The following TASOR2 variants were observed in gnomAD, a reference collection of about 807,000 sequenced individuals.
The protein encoded by TASOR2 is transcription activation suppressor family member 2, also known as protein TASOR 2.
Under a neutral mutation model 199.5 loss-of-function variants are expected in TASOR2, and 84 were observed. The ratio of observed to expected loss-of-function variants is 0.42; its 90% CI spans 0.35 to 0.50. The LOEUF (loss-of-function observed/expected upper bound fraction) is 0.50, where lower values mean the gene tolerates loss of function less well. Ranked by LOEUF, TASOR2 falls within the 20% of genes least tolerant of loss-of-function variation. The probability of loss-of-function intolerance (pLI) is 0.02; values close to 1 mark genes in which losing one functional copy is unlikely to be tolerated. For missense variants in TASOR2, 2,796 were observed against 2,835.9 expected (o/e 0.99, Z 0.32); for synonymous variants, 1,103 against 1,046.6 (o/e 1.05, Z -1.04).
chr10:5,708,684 T>C (rs1218794714), intron 1 of TASOR2, among the ~76,000 whole-genome samples: 1 of 136,848 alleles, frequency 7.3e-6, no homozygotes, highest in African/African-American at 2.6e-5. Flanking sequence ...TTCCTTCCTT[T>C]CCTTCCTTTC....
intron 1 of TASOR2, among the ~76,000 whole-genome samples, chr10:5,696,511 C>G (rs893139829): frequency 6.6e-6 from 1 of 152,122 alleles, no homozygotes; most frequent in South Asian, 2.1e-4. Context: ...CGTATGCCCC[C>G]ACGTCCAGCT....
rs534875896 is a variant in TASOR2 at position 5,712,532 on chromosome 10, TAAATG to T, written c.-287-289_-287-285del. On this transcript the variant is annotated intron_variant, in intron 1 of 20. Coordinates refer to ENST00000328090, the Ensembl canonical transcript of TASOR2. Reference sequence around the variant, plus strand: ...ACTTTGGTGAAAAATGACATTTTCTTAAATGAGGTGAGGTGCTTGGTACACACTAT... The same window carrying T: ...ACTTTGGTGAAAAATGACATTTTCTTAGGTGAGGTGCTTGGTACACACTAT... The T allele has an allele frequency of 9.7e-6, 12 of 1,231,458 alleles. No individual in the cohort carries two copies. The South Asian group carries it at 2.5e-4, about 25-fold the overall frequency. The allele number at this position is 1,231,458 out of a possible 1,614,324, so 76.3% of individuals were successfully genotyped here. A position where few individuals can be genotyped will look rare whatever the true frequency, so the allele number is the denominator to read the frequency against.
At chr10:5,702,635 ATTTTTTTTTTTTTT>A (rs71388467) in intron 1 of TASOR2, among the ~76,000 whole-genome samples, 1 of 84,910 alleles carries the variant, frequency 1.2e-5, no homozygotes, top group Non-Finnish European at 2.3e-5. Flanking sequence ...TAAAATGGTC[ATTTTTTTTTTTTTT>A]TTTTTTTTTT....
chr10:5,748,409 A>G lies in TASOR2; in HGVS notation c.4988A>G (p.Asp1663Gly). The G allele has an allele frequency of 6.2e-7, 1 of 1,614,254 alleles. No individual in the cohort carries two copies. Among genetic ancestry groups the G allele is most frequent in the Non-Finnish European group, 8.5e-7 (1 of 1,180,048 alleles). Reference sequence around the variant, plus strand: ...GTCCCCACGCTTTGTTCTTCCTCAGACAATGCTACATTAACCCATTATGTA... The same window carrying G: ...GTCCCCACGCTTTGTTCTTCCTCAGGCAATGCTACATTAACCCATTATGTA... Residue 1663 changes from aspartate (D) to glycine (G), a missense_variant, in exon 15 of 21, where the codon GAC (aspartate) becomes GGC (glycine). Coordinates refer to ENST00000328090, the Ensembl canonical transcript of TASOR2. This position sits in a 1 kb window ranked among gnomAD's most constrained non-coding sequence, Gnocchi z 5.1.
At chr10:5,712,328 G>A in intron 1 of TASOR2, 1 of 1,114,280 alleles carries the variant, frequency 9.0e-7, no homozygotes, top group Non-Finnish European at 1.1e-6. Context: ...GATATTCAGT[G>A]TGTCTCCCTT....
intron 1 of TASOR2, among the ~76,000 whole-genome samples, chr10:5,686,146 A>T (rs1835790965): frequency 6.6e-6 from 1 of 152,224 alleles, no homozygotes. Context: ...TCAATAAATA[A>T]CTAAGCCAGG....
intron 1 of TASOR2, among the ~76,000 whole-genome samples, chr10:5,693,338 C>A (rs1406829964): frequency 6.6e-6 from 1 of 152,166 alleles, no homozygotes; most frequent in Non-Finnish European, 1.5e-5. Context: ...ATTGACTTTG[C>A]GCTTCAAGTA....
At chr10:5,694,500 C>T (rs1374012059) in intron 1 of TASOR2, among the ~76,000 whole-genome samples, 1 of 151,966 alleles carries the variant, frequency 6.6e-6, no homozygotes, top group Non-Finnish European at 1.5e-5. Flanking sequence ...AGAAAAAATA[C>T]CAGATATTGA....
rs1833526243 is a variant in TASOR2, at chr10:5,722,675, T to C, written c.147-1002T>C. Among the ~76,000 whole-genome samples the C allele has an allele frequency of 6.6e-6, 1 of 152,026 alleles. No homozygotes were observed. The highest frequency in any genetic ancestry group is 1.5e-5 in the Non-Finnish European group (1 of 67,994). On this transcript the variant is annotated intron_variant, in intron 6 of 20. Coordinates refer to ENST00000328090, the Ensembl canonical transcript of TASOR2. This position sits in a 1 kb window ranked among gnomAD's most constrained non-coding sequence, Gnocchi z 4.0. Reference sequence around the variant, plus strand: ...GTTCTTTGTCCTATGTTTGCAACTTTTGTATAAGTGTAAAAGCATTTTAAA... The same window carrying C: ...GTTCTTTGTCCTATGTTTGCAACTTCTGTATAAGTGTAAAAGCATTTTAAA...
At chr10:5,747,784 T>G (rs765803920) in exon 15 of TASOR2, 1 of 1,613,878 alleles carries the variant, frequency 6.2e-7, no homozygotes, top group Non-Finnish European at 8.5e-7. Context: ...AGAAAATGTT[T>G]TTGTTGGTCC....
Position 5,698,099 on chromosome 10 carries a change from A to G in TASOR2, c.-288+12924A>G, listed in dbSNP as rs1204294617. On this transcript the variant is annotated intron_variant, in intron 1 of 20. Coordinates refer to ENST00000328090, the Ensembl canonical transcript of TASOR2. The surrounding 1 kb of genome is among the most constrained non-coding windows in gnomAD (Gnocchi z 4.4). ...CTATGCAGTTCCTTTCATTAAAGTG[A>G]CAGAGATATTTCCCTACTCCTTGAC... Among the ~76,000 whole-genome samples, 2 of 152,184 alleles carry G rather than the reference A, an allele frequency of 1.3e-5. No individual in the cohort carries two copies. Among genetic ancestry groups the G allele is most frequent in the Admixed American group, 1.3e-4 (2 of 15,278 alleles).
At chr10:5,761,403 A>T in exon 19 of TASOR2, 1 of 1,613,934 alleles carries the variant, frequency 6.2e-7, no homozygotes, top group African/African-American at 1.3e-5. Context: ...ACAAAAGCAG[A>T]AATTCTGAAA....
rs1831759569 is a variant in TASOR2 at position 5,710,371 on chromosome 10, C to T, written c.-287-2452C>T. On this transcript the variant is annotated intron_variant, in intron 1 of 20. Transcript: ENST00000328090. This position sits in a 1 kb window ranked among gnomAD's most constrained non-coding sequence, Gnocchi z 4.6. Reference sequence around the variant, plus strand: ...ATATACTGCTATATATTGAAGAATACTGGCCTAAAGTGGAAGCATTTTTAA... The same window carrying T: ...ATATACTGCTATATATTGAAGAATATTGGCCTAAAGTGGAAGCATTTTTAA... 6.6e-6 allele frequency among the ~76,000 whole-genome samples: 1 copy of T among 152,048 alleles called. No homozygotes were observed. Among genetic ancestry groups the T allele is most frequent in the Non-Finnish European group, 1.5e-5 (1 of 67,958 alleles).
chr10:5,717,013 T>C (rs1379674348), intron 2 of TASOR2, among the ~76,000 whole-genome samples: 1 of 131,348 alleles, frequency 7.6e-6, no homozygotes, highest in African/African-American at 2.9e-5. Context: ...AAATAACCAC[T>C]GCAGCTTACA....
intron 11 of TASOR2, 118 bp downstream of exon 12, chr10:5,731,321 G>A: frequency 1.1e-6 from 1 of 910,878 alleles, no homozygotes; most frequent in Non-Finnish European, 1.7e-6. Context: ...CTAAGGTCAG[G>A]AGTTTGAGAC....
chr10:5,748,442 T>C lies in TASOR2; in HGVS notation c.5021T>C (p.Ile1674Thr), dbSNP rs1176367534. 6.2e-7 allele frequency: 1 copy of C among 1,614,056 alleles called. No individual in the cohort carries two copies. The highest frequency in any genetic ancestry group is 8.5e-7 in the Non-Finnish European group (1 of 1,180,046). Residue 1674 changes from isoleucine to threonine, a missense_variant, in exon 15 of 21, where the codon ATA becomes ACA. Transcript: ENST00000328090. This position sits in a 1 kb window ranked among gnomAD's most constrained non-coding sequence, Gnocchi z 5.1. ...ACATTAACCCATTATGTAAGACCAA[T>C]AAATGCAGAGCCAGTGTTTCAAGCA...
intron 14 of TASOR2, 36 bp from the exon 16 acceptor site, chr10:5,746,143 A>G: frequency 7.4e-7 from 1 of 1,342,716 alleles, no homozygotes; most frequent in Non-Finnish European, 9.9e-7. Context: ...ATTTTATATG[A>G]CTGATTTTTT....
At chr10:5,734,716 A>ATTTTTT (rs140600979) in intron 11 of TASOR2, among the ~76,000 whole-genome samples, 1 of 54,196 alleles carries the variant, frequency 1.8e-5, no homozygotes, top group African/African-American at 6.7e-5. Context: ...GGTTATGAAG[A>ATTTTTT]TTTTTTTTTT....
At chr10:5,703,169 A>T (rs1354896835) in intron 1 of TASOR2, among the ~76,000 whole-genome samples, 1 of 152,204 alleles carries the variant, frequency 6.6e-6, no homozygotes, top group Admixed American at 6.5e-5. Flanking sequence ...ATGAACTGCT[A>T]AATTCTCAAT....
Sources: gnomAD v4.1 joint callset for allele counts (sites outside exome capture counted in the v4.1 genomes callset) on GRCh38, gnomAD v4.1.1 for gene constraint, Gnocchi (gnomAD v3.1) non-coding constraint, MANE v1.5 for transcripts, NCBI Gene and HGNC (gene_info 2026-07-23, HGNC 2026-07-21) for gene names.